The following DAZAP1 variants were observed in gnomAD, a reference collection of about 807,000 sequenced individuals.
DAZAP1 encodes the protein DAZ associated protein 1.
DAZAP1 carries 6 observed loss-of-function variants against 60.1 expected under a neutral mutation model. The observed-to-expected ratio is 0.10, with a 90% CI of 0.05 to 0.20. DAZAP1 has a LOEUF of 0.20. Among genes scored for constraint, DAZAP1 ranks in the 10% least tolerant of loss-of-function variants. The pLI is 1.00. For missense variants in DAZAP1, 366 were observed against 560.4 expected (o/e 0.65, Z 3.50); for synonymous variants, 235 against 215.9 (o/e 1.09, Z -0.78).
Position 1,418,757 on chromosome 19 carries a change from C to T in DAZAP1, c.303+26C>T. The T allele has an allele frequency of 1.3e-6, 2 of 1,576,854 alleles. No homozygotes were observed. Among genetic ancestry groups the T allele is most frequent in the Non-Finnish European group, 1.7e-6 (2 of 1,162,234 alleles). On this transcript the variant is annotated intron_variant, in intron 4 of 11. Coordinates refer to ENST00000233078, the MANE Select transcript of DAZAP1 (RefSeq NM_018959.4). This position sits in a 1 kb window ranked among gnomAD's most constrained non-coding sequence, Gnocchi z 5.7. ...GTAAGGGGCTGGGCCGGGCGGCCTC[C>T]TTGTGTGTTCTCCACTCCACGTGGA...
chr19:1,424,827 T>C (rs2083265967), intron 6 of DAZAP1, among the ~76,000 whole-genome samples: 1 of 152,192 alleles, frequency 6.6e-6, no homozygotes, highest in Non-Finnish European at 1.5e-5. Flanking sequence ...GGCACTTCCA[T>C]CTGGGGAGGG....
At position 1,434,232 on chromosome 19, in the gene DAZAP1, C is replaced by T. The variant is rs1475406729; in HGVS notation, c.1049-505C>T. 4.5e-6 allele frequency: 1 copy of T among 221,568 alleles called. No individual in the cohort carries two copies. Among genetic ancestry groups the T allele is most frequent in the African/African-American group, 2.3e-5 (1 of 43,114 alleles). The allele number at this position is 221,568 out of a possible 1,614,324, so 13.7% of individuals were successfully genotyped here. ...GGGGCAGTCAGGTTGGGCCCAGAAA[C>T]CCTTCCCTGACACGTGCCACCGATG... On this transcript the variant is annotated intron_variant, in intron 11 of 11. Coordinates refer to ENST00000233078, the MANE Select transcript of DAZAP1 (RefSeq NM_018959.4). The surrounding 1 kb of genome is among the most constrained non-coding windows in gnomAD (Gnocchi z 8.0).
Position 1,423,824 on chromosome 19 carries a change from TCTC to T in DAZAP1, c.463+1432_463+1434del, listed in dbSNP as rs1488516276. 1.3e-5 allele frequency among the ~76,000 whole-genome samples: 2 copies of T among 152,076 alleles called. No individual in the cohort carries two copies. Among genetic ancestry groups the T allele is most frequent in the African/African-American group, 4.8e-5 (2 of 41,428 alleles). ...CCGGCTGCCCAGAGCTGGCGCCCCT[TCTC>T]CTCGCGTCCTGTCCTGTCCCGTGTG... On this transcript the variant is annotated intron_variant, in intron 6 of 11. Coordinates refer to ENST00000233078, the MANE Select transcript of DAZAP1 (RefSeq NM_018959.4). The surrounding 1 kb of genome is among the most constrained non-coding windows in gnomAD (Gnocchi z 6.8).
rs112523971 is a variant in DAZAP1, at chr19:1,425,418, C to T, written c.464-460C>T. The stretch of plus-strand genomic sequence containing the variant: ...ACTAAGATGGCGCATTCCACGCGGG[C>T]CCCCGGCCTGCAGGGTTCACTGGCA... On this transcript the variant is annotated intron_variant, in intron 6 of 11. Transcript: ENST00000233078. The surrounding 1 kb of genome is among the most constrained non-coding windows in gnomAD (Gnocchi z 5.4). Among the ~76,000 whole-genome samples the T allele has an allele frequency of 1.4e-4, 22 of 152,340 alleles. No individual in the cohort carries two copies. Among genetic ancestry groups the T allele is most frequent in the African/African-American group, 5.1e-4 (21 of 41,582 alleles).
Position 1,432,372 on chromosome 19 carries a change from A to C in DAZAP1, c.872-142A>C. 1.2e-6 allele frequency: 1 copy of C among 829,364 alleles called. No individual in the cohort carries two copies. The highest frequency in any genetic ancestry group is 2.0e-6 in the Non-Finnish European group (1 of 498,884). The allele number at this position is 829,364 out of a possible 1,614,324, so 51.4% of individuals were successfully genotyped here. The stretch of plus-strand genomic sequence containing the variant: ...CGTGGCTCTGTGGTCCATTCTGTGG[A>C]TGTCCACAAGGCCTGGGCGTTCTGT... On this transcript the variant is annotated intron_variant, in intron 10 of 11. Transcript: ENST00000233078. This position sits in a 1 kb window ranked among gnomAD's most constrained non-coding sequence, Gnocchi z 4.9.
At position 1,423,950 on chromosome 19, in the gene DAZAP1, T is replaced by C. The variant is rs935451975; in HGVS notation, c.463+1554T>C. 6.6e-6 allele frequency among the ~76,000 whole-genome samples: 1 copy of C among 152,214 alleles called. No individual in the cohort carries two copies. The highest frequency in any genetic ancestry group is 6.5e-5 in the Admixed American group (1 of 15,288). ...GTCCTTAGCTGTTGGGCTTTGAAAG[T>C]GTCCCTTGGGTGTCAGGCGAGTGGA... On this transcript the variant is annotated intron_variant, in intron 6 of 11. Transcript: ENST00000233078. This position sits in a 1 kb window ranked among gnomAD's most constrained non-coding sequence, Gnocchi z 6.8.
In DAZAP1 at chr19:1,426,037, C is replaced by T; in HGVS notation, c.546+77C>T. 9.4e-7 allele frequency: 1 copy of T among 1,064,842 alleles called. No individual in the cohort carries two copies. The highest frequency in any genetic ancestry group is 1.7e-5 in the Admixed American group (1 of 59,178). The allele number at this position is 1,064,842 out of a possible 1,614,324, so 66.0% of individuals were successfully genotyped here. On this transcript the variant is annotated intron_variant, in intron 7 of 11. Transcript: ENST00000233078. The surrounding 1 kb of genome is among the most constrained non-coding windows in gnomAD (Gnocchi z 5.4). ...ACTTAGGGGTTTCACTGGAAAGGAA[C>T]ATTCCTTCACGGAAAGGGTCGGGCG...
chr19:1,423,074 G>A lies in DAZAP1; in HGVS notation c.463+678G>A, dbSNP rs1033850741. ...CCCGCATGGTTTTGGTTCATCAGCTGCTTTTGGCCGGCCACGTGAGCAGAC... is the reference window on the plus strand; with the variant it reads ...CCCGCATGGTTTTGGTTCATCAGCTACTTTTGGCCGGCCACGTGAGCAGAC... On this transcript the variant is annotated intron_variant, in intron 6 of 11. Coordinates refer to ENST00000233078, the MANE Select transcript of DAZAP1 (RefSeq NM_018959.4). This position sits in a 1 kb window ranked among gnomAD's most constrained non-coding sequence, Gnocchi z 6.8. 3.5e-4 allele frequency among the ~76,000 whole-genome samples: 52 copies of A among 149,800 alleles called. No homozygotes were observed. Among genetic ancestry groups the A allele is most frequent in the African/African-American group, 1.2e-3 (50 of 41,374 alleles).
intron 9 of DAZAP1, 55 bp from the exon 10 acceptor site, chr19:1,430,167 C>A: frequency 6.4e-7 from 1 of 1,559,264 alleles, no homozygotes; most frequent in Non-Finnish European, 8.7e-7. Flanking sequence ...CTAACTGTGG[C>A]CAGTCTGTGT....
chr19:1,417,351 T>C (rs1370556194), intron 1 of DAZAP1, 149 bp from the exon 2 acceptor site: 2 of 831,930 alleles, frequency 2.4e-6, no homozygotes, highest in African/African-American at 3.5e-5. Flanking sequence ...GACTCGCCAT[T>C]GCTGTGAGCT....
In DAZAP1 at chr19:1,435,300, G is replaced by A. The variant is rs1223966271; in HGVS notation, c.*388G>A. ...TTTACAAATTGTGAGATTTTTAAGA[G>A]AAATTTTCTACGATGTATACTGGCT... On this transcript the variant is annotated 3_prime_UTR_variant, in exon 12 of 12. Coordinates refer to ENST00000233078, the MANE Select transcript of DAZAP1 (RefSeq NM_018959.4). 2 of 153,222 alleles carry A rather than the reference G, an allele frequency of 1.3e-5. No individual in the cohort carries two copies. Among genetic ancestry groups the A allele is most frequent in the African/African-American group, 2.4e-5 (1 of 41,456 alleles). The allele number at this position is 153,222 out of a possible 1,614,324, so 9.5% of individuals were successfully genotyped here. A position where few individuals can be genotyped will look rare whatever the true frequency, so the allele number is the denominator to read the frequency against.
rs571649112 is a variant in DAZAP1, at chr19:1,418,760, G to C, written c.303+29G>C. 1 of 1,576,598 alleles carries C rather than the reference G, an allele frequency of 6.3e-7. No individual in the cohort carries two copies. Among genetic ancestry groups the C allele is most frequent in the South Asian group, 1.2e-5 (1 of 85,780 alleles). Reference sequence around the variant, plus strand: ...AGGGGCTGGGCCGGGCGGCCTCCTTGTGTGTTCTCCACTCCACGTGGAAAG... The same window carrying C: ...AGGGGCTGGGCCGGGCGGCCTCCTTCTGTGTTCTCCACTCCACGTGGAAAG... On this transcript the variant is annotated intron_variant, in intron 4 of 11. Coordinates refer to ENST00000233078, the MANE Select transcript of DAZAP1 (RefSeq NM_018959.4). The surrounding 1 kb of genome is among the most constrained non-coding windows in gnomAD (Gnocchi z 5.7).
chr19:1,423,538 C>T lies in DAZAP1; in HGVS notation c.463+1142C>T, dbSNP rs1364513757. Among the ~76,000 whole-genome samples the T allele has an allele frequency of 6.6e-6, 1 of 152,238 alleles. No individual in the cohort carries two copies. The highest frequency in any genetic ancestry group is 6.5e-5 in the Admixed American group (1 of 15,292). Reference sequence around the variant, plus strand: ...CGAAGTTTCAGGTGTTTCTGTCCCGCTTCCTCAGTGGTGATGTCGCCTCTT... The same window carrying T: ...CGAAGTTTCAGGTGTTTCTGTCCCGTTTCCTCAGTGGTGATGTCGCCTCTT... On this transcript the variant is annotated intron_variant, in intron 6 of 11. Transcript: ENST00000233078. This position sits in a 1 kb window ranked among gnomAD's most constrained non-coding sequence, Gnocchi z 6.8.
At position 1,435,014 on chromosome 19, in the gene DAZAP1, G is replaced by T. The variant is rs1055986662; in HGVS notation, c.*102G>T. The T allele has an allele frequency of 5.3e-5, 11 of 209,206 alleles. No homozygotes were observed. Among genetic ancestry groups the T allele is most frequent in the Middle Eastern group, 5.0e-4 (1 of 2,006 alleles). 13.0% of individuals were successfully genotyped at this position (209,206 alleles called of 1,614,324 possible). A position where few individuals can be genotyped will look rare whatever the true frequency, so the allele number is the denominator to read the frequency against. ...CGGCAAAGTGGCGACTCAACCTTGG[G>T]GGGGGGGGCGGGGGGAGGGCGCGAG... is the stretch of plus-strand genomic sequence containing the variant. On this transcript the variant is annotated 3_prime_UTR_variant, in exon 12 of 12. Transcript: ENST00000233078.
Position 1,433,549 on chromosome 19 carries a change from C to CTG in DAZAP1, c.1048+860_1048+861dup. The CTG allele has an allele frequency of 3.4e-6, 2 of 587,636 alleles. No homozygotes were observed. The highest frequency in any genetic ancestry group is 1.9e-5 in the African/African-American group (1 of 53,328). 36.4% of individuals were successfully genotyped at this position (587,636 alleles called of 1,614,324 possible). ...CCCACCTCGCATGGCTGTGGTTCCC[C>CTG]TGCCCCCACGCCCAGGCCTTGGGCC... On this transcript the variant is annotated intron_variant, in intron 11 of 11. Transcript: ENST00000233078. This position sits in a 1 kb window ranked among gnomAD's most constrained non-coding sequence, Gnocchi z 6.1.
chr19:1,421,274 C>T lies in DAZAP1; in HGVS notation c.414+16C>T, dbSNP rs1229780757. The T allele has an allele frequency of 6.2e-7, 1 of 1,609,040 alleles. No individual in the cohort carries two copies. Among genetic ancestry groups the T allele is most frequent in the Admixed American group, 1.7e-5 (1 of 60,010 alleles). On this transcript the variant is annotated intron_variant, in intron 5 of 11. Transcript: ENST00000233078. ...GTTCGGAGTGGTGAGTTTCTCCCCA[C>T]CCCGGCAGCACTGTGGGGACAGAGC... is the stretch of plus-strand genomic sequence containing the variant.
At chr19:1,421,619 C>G (rs1038388208) in intron 5 of DAZAP1, among the ~76,000 whole-genome samples, 6 of 152,266 alleles carry the variant, frequency 3.9e-5, no homozygotes, top group African/African-American at 1.4e-4. Flanking sequence ...TGACTTTCCA[C>G]TGGGCAGGTG....
chr19:1,410,193 T>A (rs1207839635), intron 1 of DAZAP1: 1 of 152,214 alleles, frequency 6.6e-6, no homozygotes, highest in Non-Finnish European at 1.5e-5. Flanking sequence ...TGATGGGGGA[T>A]GAAAGTCAGC....
chr19:1,418,552 C>A lies in DAZAP1; in HGVS notation c.238-114C>A. 1 of 1,476,770 alleles carries A rather than the reference C, an allele frequency of 6.8e-7. No individual in the cohort carries two copies. Among genetic ancestry groups the A allele is most frequent in the South Asian group, 1.2e-5 (1 of 86,874 alleles). The allele number at this position is 1,476,770 out of a possible 1,614,324, so 91.5% of individuals were successfully genotyped here. On this transcript the variant is annotated intron_variant, in intron 3 of 11. Transcript: ENST00000233078. The surrounding 1 kb of genome is among the most constrained non-coding windows in gnomAD (Gnocchi z 5.7). Reference sequence around the variant, plus strand: ...GCAGGAGGATACAGGGTGAATGGAGCCGGCGGGGCGGGGCGGGCCGGGCTG... The same window carrying A: ...GCAGGAGGATACAGGGTGAATGGAGACGGCGGGGCGGGGCGGGCCGGGCTG...
Sources: allele counts gnomAD v4.1 joint callset (sites outside exome capture counted in the v4.1 genomes callset), GRCh38; gene constraint gnomAD v4.1.1; non-coding constraint Gnocchi (gnomAD v3.1); transcripts MANE v1.5; gene names NCBI Gene and HGNC (gene_info 2026-07-23, HGNC 2026-07-21).